Variants in PARD3B observed in about 807,000 individuals in gnomAD.
PARD3B encodes the protein par-3 family cell polarity regulator beta.
PARD3B carries 103 observed loss-of-function variants against 130.2 expected under a neutral mutation model. The ratio of observed to expected loss-of-function variants is 0.79; its 90% CI spans 0.67 to 0.93. PARD3B has a LOEUF of 0.93. Ranked by LOEUF, PARD3B falls within the 40% of genes least tolerant of loss-of-function variation. PARD3B has a pLI of 0.00. For missense variants in PARD3B, 1,609 were observed against 1,499.2 expected (o/e 1.07, Z -1.21); for synonymous variants, 583 against 553.2 (o/e 1.05, Z -0.76).
At chr2:205,579,591 T>G (rs1228173447) in intron 22 of PARD3B, among the ~76,000 whole-genome samples, 1 of 152,154 alleles carries the variant, frequency 6.6e-6, no homozygotes, top group Non-Finnish European at 1.5e-5. Flanking sequence ...CAAACCAATT[T>G]TGCAAATCAC....
chr2:205,514,683 TTAAA>T (rs1257074984), intron 21 of PARD3B, among the ~76,000 whole-genome samples: 1 of 152,062 alleles, frequency 6.6e-6, no homozygotes, highest in African/African-American at 2.4e-5. Flanking sequence ...TATGAAACTC[TTAAA>T]TAAACATATT....
chr2:204,801,240 A>G (rs1282072108), intron 2 of PARD3B, among the ~76,000 whole-genome samples: 1 of 152,146 alleles, frequency 6.6e-6, no homozygotes, highest in African/African-American at 2.4e-5. Context: ...AGTTTTTCCT[A>G]TTCTGTGAAG....
rs370881946 is a variant in PARD3B at position 205,125,578 on chromosome 2, T to C, written c.1306-31T>C. The C allele has an allele frequency of 9.8e-5, 157 of 1,609,636 alleles. 1 individual carries two copies. The East Asian group carries it at 2.1e-3, about 21-fold the overall frequency. On this transcript the variant is annotated intron_variant, in intron 9 of 22. Coordinates refer to ENST00000406610, the MANE Select transcript of PARD3B (RefSeq NM_001302769.2). The surrounding 1 kb of genome is among the most constrained non-coding windows in gnomAD (Gnocchi z 4.0). Reference sequence around the variant, plus strand: ...TAGAAGGAGATAACAAGTATTGTGATTGTGGCTGTTCATATGCTTTTATTC... The same window carrying C: ...TAGAAGGAGATAACAAGTATTGTGACTGTGGCTGTTCATATGCTTTTATTC...
intron 11 of PARD3B, among the ~76,000 whole-genome samples, chr2:205,166,115 A>G (rs2034800429): frequency 6.6e-6 from 1 of 152,202 alleles, no homozygotes; most frequent in African/African-American, 2.4e-5. Context: ...GTTAGACAAC[A>G]GTGTATAGTG....
chr2:204,750,604 A>G (rs1303274924), intron 2 of PARD3B, among the ~76,000 whole-genome samples: 1 of 87,826 alleles, frequency 1.1e-5, no homozygotes, highest in Non-Finnish European at 2.3e-5. Context: ...ACACATACAT[A>G]CATACATACA....
chr2:205,359,113 T>C (rs1209442486), intron 18 of PARD3B, among the ~76,000 whole-genome samples: 1 of 152,256 alleles, frequency 6.6e-6, no homozygotes, highest in African/African-American at 2.4e-5. Flanking sequence ...AGCAATTTCA[T>C]TCCCTGACTC....
In PARD3B at chr2:205,027,206, GCCTTTCC is replaced by G. The variant is rs200301859; in HGVS notation, c.395-20374_395-20368del. On this transcript the variant is annotated intron_variant, in intron 3 of 22. Coordinates refer to ENST00000406610, the MANE Select transcript of PARD3B (RefSeq NM_001302769.2). The stretch of plus-strand genomic sequence containing the variant: ...GCACAAGGCTTCCCTTTTCTCCACA[GCCTTTCC>G]AATAGCCAGCTGCTATCTCATCTTT... Among the ~76,000 whole-genome samples, 823 of 152,150 alleles carry G rather than the reference GCCTTTCC, an allele frequency of 5.4e-3. 4 individuals carry two copies. The highest frequency in any genetic ancestry group is 0.019 in the African/African-American group (772 of 41,520).
intron 2 of PARD3B, among the ~76,000 whole-genome samples, chr2:204,762,116 A>ATTTTTTTTTTTTTT (rs968166780): frequency 7.3e-5 from 7 of 95,374 alleles, no homozygotes; most frequent in East Asian, 3.2e-4. Flanking sequence ...TTCTTTTTCT[A>ATTTTTTTTTTTTTT]TTTTTTTTTT....
chr2:204,957,854 T>C (rs1262561489), intron 2 of PARD3B, among the ~76,000 whole-genome samples: 1 of 152,220 alleles, frequency 6.6e-6, no homozygotes, highest in African/African-American at 2.4e-5. Flanking sequence ...TAGATTTAAT[T>C]GTGTTTATTA....
chr2:205,308,585 T>G (rs1574658408), intron 18 of PARD3B, among the ~76,000 whole-genome samples: 1 of 124,190 alleles, frequency 8.1e-6, no homozygotes, highest in Admixed American at 1.2e-4. Flanking sequence ...CTAGCCTGGG[T>G]GAGAGCGAGA....
At chr2:205,448,142 C>A (rs1223811285) in intron 20 of PARD3B, among the ~76,000 whole-genome samples, 2 of 152,120 alleles carry the variant, frequency 1.3e-5, no homozygotes, top group East Asian at 3.9e-4. Context: ...CTGTTTTAGC[C>A]CCTTCTTAAA....
chr2:204,939,775 A>T (rs902087682), intron 2 of PARD3B, among the ~76,000 whole-genome samples: 2 of 152,194 alleles, frequency 1.3e-5, no homozygotes, highest in African/African-American at 4.8e-5. Context: ...CAAATAACTG[A>T]TAAAATATTT....
In PARD3B at chr2:205,363,862, T is replaced by TC. The variant is rs1559704182; in HGVS notation, c.2631-37150dup. On this transcript the variant is annotated intron_variant, in intron 18 of 22. Coordinates refer to ENST00000406610, the MANE Select transcript of PARD3B (RefSeq NM_001302769.2). Reference sequence around the variant, plus strand: ...TTTTTTTTTTTTTTTTTTTTTTTTTTCGCCATGTTGGCCAGGCTGGTCTTG... The same window carrying TC: ...TTTTTTTTTTTTTTTTTTTTTTTTTTCCGCCATGTTGGCCAGGCTGGTCTTG... 8.4e-5 allele frequency among the ~76,000 whole-genome samples: 8 copies of TC among 95,602 alleles called. 1 individual carries two copies. The highest frequency in any genetic ancestry group is 3.3e-4 in the African/African-American group (7 of 21,124). The allele number at this position is 95,602 out of a possible 152,430, so 62.7% of individuals were successfully genotyped here.
Position 205,300,850 on chromosome 2 carries a change from T to C in PARD3B, c.2392+114T>C, listed in dbSNP as rs1306626715. The C allele has an allele frequency of 8.0e-6, 9 of 1,125,784 alleles. No homozygotes were observed. Among genetic ancestry groups the C allele is most frequent in the Non-Finnish European group, 1.1e-5 (9 of 809,684 alleles). The allele number at this position is 1,125,784 out of a possible 1,614,324, so 69.7% of individuals were successfully genotyped here. Reference sequence around the variant, plus strand: ...AATGATTTAAGGATCACAATTATATTTTTGATATTAAAAGTAATTCATTTT... The same window carrying C: ...AATGATTTAAGGATCACAATTATATCTTTGATATTAAAAGTAATTCATTTT... On this transcript the variant is annotated intron_variant, in intron 17 of 22. Transcript: ENST00000406610. This position sits in a 1 kb window ranked among gnomAD's most constrained non-coding sequence, Gnocchi z 4.1.
intron 4 of PARD3B, among the ~76,000 whole-genome samples, chr2:205,056,105 G>A (rs1188189968): frequency 6.6e-6 from 1 of 152,084 alleles, no homozygotes; most frequent in Non-Finnish European, 1.5e-5. Flanking sequence ...GGGTTAATGA[G>A]AGTTCACCTT....
intron 18 of PARD3B, among the ~76,000 whole-genome samples, chr2:205,393,897 T>C (rs1459953956): frequency 1.3e-5 from 2 of 152,106 alleles, no homozygotes; most frequent in Admixed American, 6.6e-5. Context: ...TCATCATTAC[T>C]TAGAAAACCC....
chr2:204,947,850 A>G (rs1575391411), intron 2 of PARD3B, among the ~76,000 whole-genome samples: 2 of 152,358 alleles, frequency 1.3e-5, no homozygotes, highest in South Asian at 4.1e-4. Flanking sequence ...CAGTAATGAC[A>G]TGATGAATAG....
intron 2 of PARD3B, among the ~76,000 whole-genome samples, chr2:204,931,870 T>C (rs548010057): frequency 3.3e-5 from 5 of 152,138 alleles, no homozygotes; most frequent in Non-Finnish European, 5.9e-5. Context: ...AAGCTTGGCA[T>C]CTCTGAGCAT....
intron 3 of PARD3B, among the ~76,000 whole-genome samples, chr2:205,030,287 A>G (rs901964986): frequency 1.3e-5 from 2 of 152,166 alleles, no homozygotes; most frequent in Non-Finnish European, 2.9e-5. Context: ...GAATATTTGT[A>G]TAAATTTAGC....
Sources: allele counts gnomAD v4.1 joint callset (sites outside exome capture counted in the v4.1 genomes callset), GRCh38; gene constraint gnomAD v4.1.1; non-coding constraint Gnocchi (gnomAD v3.1); transcripts MANE v1.5; gene names NCBI Gene and HGNC (gene_info 2026-07-23, HGNC 2026-07-21).